SERPINA1: variants seen among roughly 807,000 people sequenced by gnomAD.
The protein encoded by SERPINA1 is alpha-1-antitrypsin.
Under a neutral mutation model 25.4 loss-of-function variants are expected in SERPINA1, and 21 were observed. The observed-to-expected ratio is 0.83, with a 90% CI of 0.59 to 1.19. The LOEUF (loss-of-function observed/expected upper bound fraction) is 1.19, where lower values mean the gene tolerates loss of function less well. Among genes scored for constraint, SERPINA1 ranks in the 50% most tolerant of loss-of-function variants. The pLI is 0.00. For synonymous variants in SERPINA1, 218 were observed against 211.1 expected (o/e 1.03, Z -0.29); for missense variants, 546 against 509.0 (o/e 1.07, Z -0.70).
rs756121850 is a variant in SERPINA1 at position 94,381,154 on chromosome 14, G to A, written c.647-13C>T. 10 of 1,609,708 alleles carry A rather than the reference G, an allele frequency of 6.2e-6. No individual in the cohort carries two copies. The highest frequency in any genetic ancestry group is 1.7e-5 in the Admixed American group (1 of 59,946). On this transcript the variant is annotated splice_polypyrimidine_tract_variant and intron_variant, in intron 2 of 4. Coordinates refer to ENST00000393087, the MANE Select transcript of SERPINA1 (RefSeq NM_000295.5). ...CTCTCCCATTTGCCTGGAGAGAGGG[G>A]AAGGTGGGCATCACCAGGGGTGAGT...
At chr14:94,388,432 C>G (rs1481105037) in intron 1 of SERPINA1, 128 bp downstream of exon 1, 1 of 152,454 alleles carries the variant, frequency 6.6e-6, no homozygotes, top group Non-Finnish European at 1.5e-5. Context: ...GCCTCTCCAT[C>G]TGCCCTGCAC....
At position 94,378,433 on chromosome 14, in the gene SERPINA1, G is replaced by A; in HGVS notation, c.*16C>T. The A allele has an allele frequency of 6.2e-7, 1 of 1,612,864 alleles. No homozygotes were observed. Among genetic ancestry groups the A allele is most frequent in the Non-Finnish European group, 8.5e-7 (1 of 1,178,848 alleles). On this transcript the variant is annotated 3_prime_UTR_variant, in exon 5 of 5. Transcript: ENST00000393087. ...GGGCCAGGGATGGAGGGGAGGGGTT[G>A]AGGAGCGAGAGGCAGTTATTTTTGG...
intron 2 of SERPINA1, among the ~76,000 whole-genome samples, chr14:94,381,637 C>T (rs902792891): frequency 6.6e-6 from 1 of 152,222 alleles, no homozygotes. Context: ...AGCAGCCTCC[C>T]CTCTGCCATA....
chr14:94,390,454 C>T (rs1479953223), upstream of SERPINA1: 1 of 152,564 alleles, frequency 6.6e-6, no homozygotes, highest in Non-Finnish European at 1.5e-5. Flanking sequence ...AGCAATGTCC[C>T]ACCTTTCCTG....
rs1309631950 is a variant in SERPINA1, at chr14:94,377,053, AAC to A, written c.*1394_*1395del. 2.0e-5 allele frequency: 3 copies of A among 152,178 alleles called. No individual in the cohort carries two copies. Among genetic ancestry groups the A allele is most frequent in the African/African-American group, 7.2e-5 (3 of 41,430 alleles). 9.4% of individuals were successfully genotyped at this position (152,178 alleles called of 1,614,324 possible). ...AAGAGAACAGGAGACTTGTGTGGGAAACAGTCGGTATCCATTGATTAGACTGA... is the reference window on the plus strand; with the variant it reads ...AAGAGAACAGGAGACTTGTGTGGGAAAGTCGGTATCCATTGATTAGACTGA... On this transcript the variant is annotated 3_prime_UTR_variant, in exon 5 of 5. Transcript: ENST00000393087.
Sources: gnomAD v4.1 joint callset for allele counts (sites outside exome capture counted in the v4.1 genomes callset) on GRCh38, gnomAD v4.1.1 for gene constraint, MANE v1.5 for transcripts, NCBI Gene and HGNC (gene_info 2026-07-23, HGNC 2026-07-21) for gene names.